CLEC16A: variants seen among roughly 807,000 people sequenced by gnomAD.
CLEC16A encodes the protein protein CLEC16A.
Under a neutral mutation model 109.5 loss-of-function variants are expected in CLEC16A, and 51 were observed. That is an observed-to-expected ratio of 0.47 (90% CI 0.37 to 0.59). The LOEUF (loss-of-function observed/expected upper bound fraction) is 0.59, where lower values mean the gene tolerates loss of function less well. CLEC16A is among the 20% of genes least tolerant of loss of function. CLEC16A has a pLI of 0.00. For missense variants in CLEC16A, 1,339 were observed against 1,394.0 expected (o/e 0.96, Z 0.63); for synonymous variants, 673 against 564.2 (o/e 1.19, Z -2.73).
Position 11,179,446 on chromosome 16 carries a change from A to T in CLEC16A, c.*756A>T, listed in dbSNP as rs200088877. 5 of 152,236 alleles carry T rather than the reference A, an allele frequency of 3.3e-5. No homozygotes were observed. The highest frequency in any genetic ancestry group is 7.3e-5 in the Non-Finnish European group (5 of 68,048). 9.4% of individuals were successfully genotyped at this position (152,236 alleles called of 1,614,324 possible). A position where few individuals can be genotyped will look rare whatever the true frequency, so the allele number is the denominator to read the frequency against. ...GAGATACATGTATTCTCAGGTACAC[A>T]CAGAGCTGAGAGGGCTGAATGGTTT... On this transcript the variant is annotated 3_prime_UTR_variant, in exon 24 of 24. Coordinates refer to ENST00000409790, the MANE Select transcript of CLEC16A (RefSeq NM_015226.3).
At chr16:11,013,577 C>T (rs1458600186) in intron 11 of CLEC16A, among the ~76,000 whole-genome samples, 3 of 151,994 alleles carry the variant, frequency 2.0e-5, no homozygotes, top group Non-Finnish European at 4.4e-5. Context: ...CCAACCTGAC[C>T]AACATGGTGG....
At chr16:11,028,440 A>G (rs1393004509) in intron 13 of CLEC16A, among the ~76,000 whole-genome samples, 1 of 152,140 alleles carries the variant, frequency 6.6e-6, no homozygotes, top group East Asian at 1.9e-4. Flanking sequence ...AAGCCCAAGG[A>G]CATAATTGAA....
intron 1 of CLEC16A, among the ~76,000 whole-genome samples, chr16:10,956,537 C>T (rs1194908484): frequency 6.6e-6 from 1 of 152,204 alleles, no homozygotes; most frequent in Non-Finnish European, 1.5e-5. Flanking sequence ...GCCTGAGCTC[C>T]CTTGACAGGT....
chr16:10,944,763 A>C lies in CLEC16A; in HGVS notation c.46A>C (p.Thr16Pro). Residue 16 changes from threonine (T) to proline (P), a missense_variant, in exon 1 of 24, where the codon ACT (threonine) becomes CCT (proline). Physicochemically the swap from Thr to Pro is conservative, Grantham distance 38. Transcript: ENST00000409790. ...CTGGGTGGGCGGGGGCCATGGCAAG[A>C]CTTCCCGCAACATCCACTCCTTGGA... The part of the protein sequence containing the change: ...RSWVGGGHGK[T>P]SRNIHSLDHL... 4.3e-6 allele frequency: 7 copies of C among 1,609,668 alleles called. No homozygotes were observed. Among genetic ancestry groups the C allele is most frequent in the Non-Finnish European group, 5.9e-6 (7 of 1,178,880 alleles).
At chr16:11,100,432 CTCTT>C (rs2050852572) in intron 19 of CLEC16A, among the ~76,000 whole-genome samples, 1 of 152,238 alleles carries the variant, frequency 6.6e-6, no homozygotes, top group South Asian at 2.1e-4. Flanking sequence ...AGCTGCTGAT[CTCTT>C]TCTTAGCACA....
intron 17 of CLEC16A, chr16:11,048,115 GTCTAGTGATGTACCCAAGT>G (rs2047729897): frequency 6.6e-6 from 1 of 152,362 alleles, no homozygotes; most frequent in South Asian, 2.1e-4. Context: ...AGTCAGAGAG[GTCTAGTGATGTACCCAAGT>G]CTGCCCGGCC....
intron 23 of CLEC16A, among the ~76,000 whole-genome samples, chr16:11,171,495 C>G (rs1056705439): frequency 6.6e-6 from 1 of 152,184 alleles, no homozygotes; most frequent in Non-Finnish European, 1.5e-5. Flanking sequence ...CCGACACCCT[C>G]CCCACGAAGT....
chr16:11,006,314 C>T (rs1412973005), intron 11 of CLEC16A, among the ~76,000 whole-genome samples: 1 of 152,164 alleles, frequency 6.6e-6, no homozygotes, highest in Non-Finnish European at 1.5e-5. Context: ...ATGCGTTTAT[C>T]AGAAGCAAGG....
chr16:11,062,262 A>G (rs1187489778), intron 19 of CLEC16A, among the ~76,000 whole-genome samples: 3 of 151,988 alleles, frequency 2.0e-5, no homozygotes, highest in Admixed American at 2.0e-4. Context: ...GCACAGGGCC[A>G]CTCTCTGTAG....
chr16:11,017,633 A>G (rs1468354833), intron 11 of CLEC16A, among the ~76,000 whole-genome samples: 1 of 152,204 alleles, frequency 6.6e-6, no homozygotes, highest in African/African-American at 2.4e-5. Context: ...TTGGCCAAGT[A>G]TTGGAGATTA....
At chr16:11,142,491 C>T (rs931636734) in intron 22 of CLEC16A, among the ~76,000 whole-genome samples, 8 of 152,248 alleles carry the variant, frequency 5.3e-5, no homozygotes, top group African/African-American at 1.9e-4. Context: ...GATGTGTCAA[C>T]AGCTTTTTCT....
chr16:11,151,994 A>AG (rs2054308925), intron 22 of CLEC16A, among the ~76,000 whole-genome samples: 1 of 152,144 alleles, frequency 6.6e-6, no homozygotes, highest in South Asian at 2.1e-4. Context: ...TCAGAGAACC[A>AG]GGGGGTTTTG....
chr16:11,103,804 C>T (rs761556959), intron 19 of CLEC16A, among the ~76,000 whole-genome samples: 1 of 152,128 alleles, frequency 6.6e-6, no homozygotes, highest in Non-Finnish European at 1.5e-5. Context: ...GAGTCCAGCA[C>T]CCCCAGAAAT....
intron 10 of CLEC16A, among the ~76,000 whole-genome samples, chr16:10,989,229 GTT>G (rs35632930): frequency 6.1e-5 from 8 of 131,098 alleles, no homozygotes; most frequent in Non-Finnish European, 1.3e-4. Flanking sequence ...TTTGTTTTTT[GTT>G]TTTTTTTGAG....
At chr16:11,050,716 C>T (rs957171723) in intron 17 of CLEC16A, among the ~76,000 whole-genome samples, 3 of 152,342 alleles carry the variant, frequency 2.0e-5, no homozygotes, top group African/African-American at 4.8e-5. Context: ...CGTGGGCATG[C>T]GCCTTTCCTC....
intron 18 of CLEC16A, among the ~76,000 whole-genome samples, chr16:11,059,486 G>A (rs75911040): frequency 0.039 from 6,001 of 152,286 alleles, 168 homozygotes; most frequent in Non-Finnish European, 0.058. Flanking sequence ...AGGGCGCAAG[G>A]CAGCACTGGG....
At chr16:11,117,883 T>C (rs1306657291) in intron 19 of CLEC16A, among the ~76,000 whole-genome samples, 2 of 152,250 alleles carry the variant, frequency 1.3e-5, no homozygotes, top group Non-Finnish European at 2.9e-5. Context: ...CGGTAGACCA[T>C]AGATCTAATG....
At chr16:10,969,944 C>T (rs1258436242) in intron 4 of CLEC16A, among the ~76,000 whole-genome samples, 1 of 152,120 alleles carries the variant, frequency 6.6e-6, no homozygotes, top group Non-Finnish European at 1.5e-5. Flanking sequence ...TACATAGCTC[C>T]CTAAAAGCAT....
chr16:10,953,125 G>A (rs745792473), intron 1 of CLEC16A, among the ~76,000 whole-genome samples: 10 of 152,214 alleles, frequency 6.6e-5, no homozygotes, highest in Admixed American at 2.0e-4. Context: ...TTACTATATG[G>A]CAAGATTTAC....
Sources: gnomAD v4.1 joint callset for allele counts (sites outside exome capture counted in the v4.1 genomes callset) on GRCh38, gnomAD v4.1.1 for gene constraint, MANE v1.5 for transcripts, NCBI Gene and HGNC (gene_info 2026-07-23, HGNC 2026-07-21) for gene names.